The following CDH13 variants were observed in gnomAD, a reference collection of about 807,000 sequenced individuals.
The protein encoded by CDH13 is cadherin 13, also known as cadherin-13.
Under a neutral mutation model 63.8 loss-of-function variants are expected in CDH13, and 24 were observed. The ratio of observed to expected loss-of-function variants is 0.38; its 90% confidence interval spans 0.27 to 0.53. The LOEUF (loss-of-function observed/expected upper bound fraction) is 0.53. CDH13 is among the 20% of genes least tolerant of loss of function. The pLI, the probability that CDH13 is intolerant of heterozygous loss-of-function variation, is 0.85. For missense variants in CDH13, 1,049 were observed against 903.1 expected (o/e 1.16, Z -2.07); for synonymous variants, 503 against 355.3 (o/e 1.42, Z -4.67).
At chr16:83,756,796 C>A (rs61093215) in intron 11 of CDH13, among the ~76,000 whole-genome samples, 1,866 of 152,232 alleles carry the variant, frequency 0.012, 45 homozygotes, top group African/African-American at 0.042. Context: ...ATATACAGAG[C>A]AGAGAAAACT....
chr16:83,569,611 T>A (rs1234633093), intron 7 of CDH13, among the ~76,000 whole-genome samples: 1 of 152,248 alleles, frequency 6.6e-6, no homozygotes, highest in Non-Finnish European at 1.5e-5. Context: ...TTCCTAATTA[T>A]CTTCTTCCCA....
intron 12 of CDH13, among the ~76,000 whole-genome samples, chr16:83,780,730 A>G (rs1454864389): frequency 6.6e-6 from 1 of 152,148 alleles, no homozygotes; most frequent in Non-Finnish European, 1.5e-5. Flanking sequence ...TAAACTCCAC[A>G]GATTCTTTGT....
At chr16:83,612,183 C>T (rs1189921129) in intron 8 of CDH13, among the ~76,000 whole-genome samples, 1 of 151,964 alleles carries the variant, frequency 6.6e-6, no homozygotes, top group East Asian at 1.9e-4. Context: ...TAATTTGAGG[C>T]TGTCTTATTA....
chr16:83,365,706 G>T (rs1270475382), intron 6 of CDH13, among the ~76,000 whole-genome samples: 3 of 152,220 alleles, frequency 2.0e-5, no homozygotes, highest in Non-Finnish European at 4.4e-5. Flanking sequence ...GAAGGCAAGA[G>T]AGTGAAGAAG....
At chr16:82,684,502 G>A (rs1459635946) in intron 1 of CDH13, among the ~76,000 whole-genome samples, 3 of 152,058 alleles carry the variant, frequency 2.0e-5, no homozygotes, top group Non-Finnish European at 4.4e-5. Context: ...CCATGTGCAC[G>A]GGTAGAGAAG....
At chr16:83,764,560 T>C (rs1381569639) in intron 11 of CDH13, among the ~76,000 whole-genome samples, 1 of 152,100 alleles carries the variant, frequency 6.6e-6, no homozygotes, top group Non-Finnish European at 1.5e-5. Flanking sequence ...TATATTGGCA[T>C]TGCCATCTAC....
chr16:83,120,133 C>T (rs1022641527), intron 3 of CDH13, among the ~76,000 whole-genome samples: 5 of 152,124 alleles, frequency 3.3e-5, no homozygotes, highest in Non-Finnish European at 7.3e-5. Flanking sequence ...AGCCCCCGAA[C>T]CCTGTCCCTT....
intron 5 of CDH13, among the ~76,000 whole-genome samples, chr16:83,320,710 C>G (rs1392924612): frequency 6.6e-5 from 10 of 152,176 alleles, no homozygotes; most frequent in African/African-American, 1.7e-4. Context: ...TTGTGAAATT[C>G]TCTTGTCATT....
intron 9 of CDH13, 91 bp from the exon 10 acceptor site, chr16:83,678,117 T>G (rs755586999): frequency 1.4e-6 from 2 of 1,393,576 alleles, no homozygotes; most frequent in East Asian, 2.3e-5. Context: ...GAAGGCCCAC[T>G]GTTGCTCGTG....
At position 82,627,238 on chromosome 16, in the gene CDH13, C is replaced by T. The variant is rs1907394508; in HGVS notation, c.45+101C>T. 5.0e-6 allele frequency: 5 copies of T among 1,004,702 alleles called. No individual in the cohort carries two copies. In the East Asian group the frequency reaches 7.8e-5, roughly 16 times the overall value. The allele number at this position is 1,004,702 out of a possible 1,614,324, so 62.2% of individuals were successfully genotyped here. A position where few individuals can be genotyped will look rare whatever the true frequency, so the allele number is the denominator to read the frequency against. ...GGGGCTTTCGGGGGGTCGGGGCCTC[C>T]GGTCGCGGCGGCGAAGACAGATCGG... On this transcript the variant is annotated intron_variant, in intron 1 of 13. Transcript: ENST00000567109.
chr16:82,877,185 G>C (rs2040535264), intron 2 of CDH13, among the ~76,000 whole-genome samples: 2 of 152,166 alleles, frequency 1.3e-5, no homozygotes, highest in Admixed American at 1.3e-4. Context: ...GATTGGTATT[G>C]GGTAAATTCA....
At chr16:83,203,156 G>A (rs145950913) in intron 4 of CDH13, among the ~76,000 whole-genome samples, 5,492 of 152,134 alleles carry the variant, frequency 0.036, 182 homozygotes, top group African/African-American at 0.087. Flanking sequence ...CCTGGCAGGT[G>A]GAGGTTGTGG....
At chr16:83,392,087 C>T (rs906389110) in intron 6 of CDH13, among the ~76,000 whole-genome samples, 2 of 152,100 alleles carry the variant, frequency 1.3e-5, no homozygotes, top group African/African-American at 4.8e-5. Flanking sequence ...ACTCAAAAAT[C>T]GCCCCCTCGC....
chr16:83,089,604 T>C (rs2151579781), intron 3 of CDH13, among the ~76,000 whole-genome samples: 1 of 152,254 alleles, frequency 6.6e-6, no homozygotes, highest in South Asian at 2.1e-4. Context: ...GGGAATGGGG[T>C]TCACAGTTTA....
At chr16:82,817,708 G>C (rs753302092) in intron 1 of CDH13, among the ~76,000 whole-genome samples, 81 of 152,254 alleles carry the variant, frequency 5.3e-4, no homozygotes, top group Non-Finnish European at 6.9e-4. Context: ...AGGAGGCTGA[G>C]GTGGGAGAAT....
At chr16:82,640,623 C>A (rs539424735) in intron 1 of CDH13, among the ~76,000 whole-genome samples, 2 of 152,248 alleles carry the variant, frequency 1.3e-5, no homozygotes, top group East Asian at 3.9e-4. Context: ...TAATCTAAAC[C>A]AGTAGCTGCC....
At chr16:83,113,247 T>C (rs1403646648) in intron 3 of CDH13, among the ~76,000 whole-genome samples, 1 of 152,244 alleles carries the variant, frequency 6.6e-6, no homozygotes, top group Non-Finnish European at 1.5e-5. Flanking sequence ...GTGGCAGCTT[T>C]ACTCTTATTA....
chr16:82,655,429 T>G (rs1320166617), intron 1 of CDH13, among the ~76,000 whole-genome samples: 1 of 152,030 alleles, frequency 6.6e-6, no homozygotes, highest in Non-Finnish European at 1.5e-5. Flanking sequence ...AAAAGGAAAG[T>G]GTATGCCAGG....
chr16:82,707,818 C>T (rs143265549), intron 1 of CDH13, among the ~76,000 whole-genome samples: 38 of 152,296 alleles, frequency 2.5e-4, no homozygotes, highest in African/African-American at 7.7e-4. Context: ...ATTCAAGGTT[C>T]TTTTGGTTTC....
Sources: allele counts gnomAD v4.1 joint callset (sites outside exome capture counted in the v4.1 genomes callset), GRCh38; gene constraint gnomAD v4.1.1; transcripts MANE v1.5; gene names NCBI Gene and HGNC (gene_info 2026-07-23, HGNC 2026-07-21).